NDRG2: variants seen among roughly 807,000 people sequenced by gnomAD.
NDRG2 encodes the protein protein NDRG2.
In NDRG2, 34 loss-of-function variants were observed where a neutral mutation model predicts 58.2. The observed-to-expected ratio is 0.58, with a 90% confidence interval of 0.44 to 0.78. NDRG2 has a LOEUF of 0.78. NDRG2 is among the 30% of genes least tolerant of loss of function. The probability of loss-of-function intolerance (pLI) is 0.00; values close to 1 mark genes in which losing one functional copy is unlikely to be tolerated. For synonymous variants in NDRG2, 187 were observed against 175.9 expected, an observed-to-expected ratio of 1.06 and a Z score of -0.50; for missense variants, 434 against 471.2, an observed-to-expected ratio of 0.92 and a Z score of 0.73.
chr14:21,061,820 A>G (rs1440437762), intron 1 of NDRG2, among the ~76,000 whole-genome samples: 1 of 152,226 alleles, frequency 6.6e-6, no homozygotes, highest in Non-Finnish European at 1.5e-5. Flanking sequence ...TTTCCTTTAA[A>G]ATTAGTTTTG....
At chr14:21,067,483 C>T (rs775119649) in intron 1 of NDRG2, among the ~76,000 whole-genome samples, 4 of 152,270 alleles carry the variant, frequency 2.6e-5, no homozygotes, top group Admixed American at 6.5e-5. Context: ...AAGCCTCTGG[C>T]GTCAGACAGC....
chr14:21,018,377 T>A (rs1016674256), intron 13 of NDRG2, 80 bp downstream of exon 13: 1 of 1,606,932 alleles, frequency 6.2e-7, no homozygotes, highest in African/African-American at 1.3e-5. Flanking sequence ...TTTGCTCCCA[T>A]GCCGGGCCCT....
At chr14:21,035,920 G>T in intron 1 of NDRG2, 1 of 439,912 alleles carries the variant, frequency 2.3e-6, no homozygotes, top group Non-Finnish European at 4.6e-6. Context: ...AACAGACCAG[G>T]AATTGAATCC....
intron 1 of NDRG2, chr14:21,031,837 G>A (rs1884194834): frequency 6.4e-7 from 1 of 1,559,522 alleles, no homozygotes; most frequent in Admixed American, 1.8e-5. Flanking sequence ...CTTTGGGGAA[G>A]GGATATGACA....
At chr14:21,040,884 T>A (rs1208995167) in intron 1 of NDRG2, among the ~76,000 whole-genome samples, 1 of 152,250 alleles carries the variant, frequency 6.6e-6, no homozygotes, top group Non-Finnish European at 1.5e-5. Flanking sequence ...CTAGCCATTA[T>A]CACTTTGAGC....
intron 11 of NDRG2, 141 bp downstream of exon 11, chr14:21,018,975 G>C: frequency 8.0e-7 from 1 of 1,246,716 alleles, no homozygotes; most frequent in Non-Finnish European, 1.1e-6. Context: ...GGAAGACCTA[G>C]AGGGAAGTGA....
chr14:21,040,907 T>C (rs1884860230), intron 1 of NDRG2, among the ~76,000 whole-genome samples: 1 of 151,250 alleles, frequency 6.6e-6, no homozygotes, highest in South Asian at 2.1e-4. Flanking sequence ...AGTATACGTA[T>C]TTTTTTTTAC....
chr14:21,032,069 A>C lies in NDRG2; in HGVS notation c.25-8748T>G, dbSNP rs148124753. On this transcript the variant is annotated intron_variant, in intron 1 of 14. Coordinates refer to the NDRG2 transcript ENST00000403829. ...GGGTTCTGGCACCTACGATAAGAAG[A>C]CCAAGTAGAGAGGAGCTTCATCTCA... 2.8e-4 allele frequency: 445 copies of C among 1,613,054 alleles called. 1 individual carries two copies. Among genetic ancestry groups the C allele is most frequent in the Middle Eastern group, 2.5e-3 (15 of 6,046 alleles).
At chr14:21,053,643 G>A (rs1885560917) in intron 1 of NDRG2, among the ~76,000 whole-genome samples, 1 of 151,738 alleles carries the variant, frequency 6.6e-6, no homozygotes, top group Non-Finnish European at 1.5e-5. Flanking sequence ...AAAAAGAAAA[G>A]AAAAAGAAAA....
chr14:21,024,224 G>A lies in NDRG2; in HGVS notation c.-201C>T, dbSNP rs1422587479. On this transcript the variant is annotated 5_prime_UTR_variant, in exon 1 of 16. Transcript: ENST00000556147. ...CTCCTCGGGTCACTAACCCTCCCCA[G>A]TGTCTGTCTACCCCTAAGTCCAGAG... The A allele has an allele frequency of 1.0e-6, 1 of 985,412 alleles. No homozygotes were observed. Among genetic ancestry groups the A allele is most frequent in the African/African-American group, 1.7e-5 (1 of 57,238 alleles). 61.0% of individuals were successfully genotyped at this position (985,412 alleles called of 1,614,324 possible).
At chr14:21,039,283 A>G (rs1884784764) in intron 1 of NDRG2, among the ~76,000 whole-genome samples, 1 of 152,182 alleles carries the variant, frequency 6.6e-6, no homozygotes, top group South Asian at 2.1e-4. Context: ...GCCCCAACTT[A>G]AACACACACA....
intron 1 of NDRG2, chr14:21,033,558 T>G (rs1884394388): frequency 5.9e-6 from 3 of 509,342 alleles, no homozygotes; most frequent in Admixed American, 3.3e-5. Context: ...ACTTCTTGGG[T>G]GGGTTTTACT....
At chr14:21,040,694 A>G (rs1884848896) in intron 1 of NDRG2, among the ~76,000 whole-genome samples, 1 of 151,974 alleles carries the variant, frequency 6.6e-6, no homozygotes. Flanking sequence ...TTCCTCCAAC[A>G]CCTCAGGCAT....
intron 10 of NDRG2, 85 bp from the exon 11 acceptor site, chr14:21,019,245 T>C (rs1878708481): frequency 1.6e-6 from 2 of 1,287,748 alleles, no homozygotes; most frequent in Non-Finnish European, 2.2e-6. Context: ...GATGGAACTA[T>C]CTTTGTCTAA....
Position 21,070,082 on chromosome 14 carries a change from G to A in NDRG2, c.24+746C>T, listed in dbSNP as rs981811304. 2.4e-4 allele frequency among the ~76,000 whole-genome samples: 37 copies of A among 152,200 alleles called. No individual in the cohort carries two copies. Among genetic ancestry groups the A allele is most frequent in the Non-Finnish European group, 1.0e-4 (7 of 68,020 alleles). On this transcript the variant is annotated intron_variant, in intron 1 of 14. Transcript: ENST00000403829. This position sits in a 1 kb window ranked among gnomAD's most constrained non-coding sequence, Gnocchi z 4.7. ...GAGGGCGGGGCGGAGAAGAAAGAAG[G>A]TTGCCGGTGAACGGGACGGATAGGC...
chr14:21,018,611 C>T (rs1878258287), intron 12 of NDRG2, 107 bp from the exon 13 acceptor site: 1 of 1,555,236 alleles, frequency 6.4e-7, no homozygotes, highest in Non-Finnish European at 8.7e-7. Context: ...CAGCTCCCTA[C>T]CCAGTTCCTC....
At chr14:21,062,433 A>G (rs1306673259) in intron 1 of NDRG2, among the ~76,000 whole-genome samples, 3 of 152,164 alleles carry the variant, frequency 2.0e-5, no homozygotes, top group African/African-American at 7.2e-5. Flanking sequence ...CTCCCTCTGC[A>G]CTGTGCTGCC....
At chr14:21,058,931 A>AAAAC (rs57793250) in intron 1 of NDRG2, among the ~76,000 whole-genome samples, 1 of 151,780 alleles carries the variant, frequency 6.6e-6, no homozygotes, top group Non-Finnish European at 1.5e-5. Context: ...AGGCCCTGAA[A>AAAAC]CACTTACTTC....
At chr14:21,025,747 G>T (rs1388178969), upstream of NDRG2, 1 of 983,282 alleles carries the variant, frequency 1.0e-6, no homozygotes, top group African/African-American at 1.7e-5. The surrounding 1 kb of genome is among the most constrained non-coding windows in gnomAD (Gnocchi z 5.1). Context: ...AACAAGGCGG[G>T]GAGGTGGGGG....
Sources: allele counts gnomAD v4.1 joint callset (sites outside exome capture counted in the v4.1 genomes callset), GRCh38; gene constraint gnomAD v4.1.1; non-coding constraint Gnocchi (gnomAD v3.1); transcripts MANE v1.5; gene names NCBI Gene and HGNC (gene_info 2026-07-23, HGNC 2026-07-21).